RAD51B: variants seen among roughly 807,000 people sequenced by gnomAD.
RAD51B encodes the protein RAD51 paralog B, also known as DNA repair protein RAD51 homolog 2.
Under a neutral mutation model 42.2 loss-of-function variants are expected in RAD51B, and 38 were observed. That is an observed-to-expected ratio of 0.90 (90% CI 0.70 to 1.18). The LOEUF (loss-of-function observed/expected upper bound fraction) is 1.18. Ranked by LOEUF, RAD51B falls within the 50% of genes most tolerant of loss-of-function variation. The pLI is 0.00. For synonymous variants in RAD51B, 154 were observed against 145.2 expected (o/e 1.06, Z -0.43); for missense variants, 373 against 400.7 (o/e 0.93, Z 0.59).
Position 68,156,455 on chromosome 14 carries a change from T to TTCTCTCTCTCTCTCTC in RAD51B, c.757-135403_757-135388dup, listed in dbSNP as rs10650896. 5.4e-3 allele frequency among the ~76,000 whole-genome samples: 615 copies of TTCTCTCTCTCTCTCTC among 114,308 alleles called. 34 individuals are homozygous for TTCTCTCTCTCTCTCTC. The highest frequency in any genetic ancestry group is 0.01 in the African/African-American group (297 of 28,938). 75.0% of individuals were successfully genotyped at this position (114,308 alleles called of 152,430 possible). ...AAGTCAAGAAAGCACCTTAGAAAAT[T>TTCTCTCTCTCTCTCTC]TCTCTCTCTCTCTCTCTCTCTCTCT... On this transcript the variant is annotated intron_variant, in intron 7 of 10. Transcript: ENST00000471583.
chr14:68,346,398 T>C (rs1570106), intron 8 of RAD51B, among the ~76,000 whole-genome samples: 128,147 of 152,238 alleles, frequency 0.84, 54,260 homozygotes, highest in East Asian at 0.99. Context: ...GTGAATAGCT[T>C]CGCTAGTTAC....
intron 7 of RAD51B, among the ~76,000 whole-genome samples, chr14:68,078,093 T>C (rs2076861813): frequency 6.6e-6 from 1 of 152,260 alleles, no homozygotes; most frequent in Admixed American, 6.5e-5. Flanking sequence ...AGATAGTGTA[T>C]GCACTATTAT....
chr14:68,096,162 A>T (rs538771762), intron 7 of RAD51B, among the ~76,000 whole-genome samples: 5 of 152,190 alleles, frequency 3.3e-5, no homozygotes, highest in Admixed American at 3.3e-4. Flanking sequence ...ATAGAGTATG[A>T]TGTCTTCATT....
intron 10 of RAD51B, chr14:68,541,394 A>T (rs991394434): frequency 2.0e-6 from 2 of 985,324 alleles, no homozygotes; most frequent in African/African-American, 3.5e-5. Flanking sequence ...AGCACATCTT[A>T]TATGCACAGT....
chr14:68,000,479 T>C (rs2075461278), intron 7 of RAD51B, among the ~76,000 whole-genome samples: 1 of 152,230 alleles, frequency 6.6e-6, no homozygotes, highest in Non-Finnish European at 1.5e-5. Context: ...TAATATACTT[T>C]CTACATATCT....
At chr14:67,966,981 A>C (rs769924623) in intron 7 of RAD51B, among the ~76,000 whole-genome samples, 3 of 152,216 alleles carry the variant, frequency 2.0e-5, no homozygotes, top group Non-Finnish European at 4.4e-5. Context: ...TGATAAAGAC[A>C]TACCCGAGAC....
chr14:68,025,980 G>A (rs924269346), intron 7 of RAD51B, among the ~76,000 whole-genome samples: 1 of 151,944 alleles, frequency 6.6e-6, no homozygotes, highest in Non-Finnish European at 1.5e-5. Flanking sequence ...TCTTGATGAG[G>A]GAATTTCGTG....
intron 10 of RAD51B, among the ~76,000 whole-genome samples, chr14:68,532,678 G>A (rs1887386023): frequency 6.6e-6 from 1 of 152,136 alleles, no homozygotes; most frequent in Admixed American, 6.6e-5. Flanking sequence ...TAACCCTTAT[G>A]TTACACAAAC....
chr14:68,061,053 CTTTTTTTTTTT>C (rs755916680), intron 7 of RAD51B, among the ~76,000 whole-genome samples: 6 of 101,286 alleles, frequency 5.9e-5, no homozygotes, highest in East Asian at 3.1e-4. Context: ...TATTTGAGGT[CTTTTTTTTTTT>C]TTTTTTTTTT....
rs76749003 is a variant in RAD51B at position 68,426,543 on chromosome 14, G to A, written c.957+15016G>A. ...TTAAGAGCAATGAACTAGGATATCT[G>A]GTAGAAGAAATTTTAAACCATGACA... On this transcript the variant is annotated intron_variant, in intron 9 of 10. Coordinates refer to ENST00000471583, the MANE Select transcript of RAD51B (RefSeq NM_133510.4). Among the ~76,000 whole-genome samples the A allele has an allele frequency of 6.6e-3, 1,008 of 152,272 alleles. 7 individuals are homozygous for A. Among genetic ancestry groups the A allele is most frequent in the African/African-American group, 0.022 (925 of 41,542 alleles).
chr14:68,651,803 T>C (rs1183868198), intron 11 of RAD51B, among the ~76,000 whole-genome samples: 1 of 152,204 alleles, frequency 6.6e-6, no homozygotes, highest in Non-Finnish European at 1.5e-5. Context: ...TACAAATTCC[T>C]AGAATTTGCA....
chr14:67,895,681 T>A (rs938078162), intron 7 of RAD51B, among the ~76,000 whole-genome samples: 2 of 152,184 alleles, frequency 1.3e-5, no homozygotes, highest in African/African-American at 4.8e-5. Context: ...TATGCTCTAA[T>A]TAATATTTAT....
chr14:67,985,815 C>G (rs570975932), intron 7 of RAD51B, among the ~76,000 whole-genome samples: 1 of 151,650 alleles, frequency 6.6e-6, no homozygotes, highest in Non-Finnish European at 1.5e-5. Flanking sequence ...GAGGCTGAGG[C>G]GGCAGGATGG....
intron 10 of RAD51B, chr14:68,540,283 A>G (rs950400368): frequency 1.5e-5 from 15 of 1,033,008 alleles, no homozygotes; most frequent in Non-Finnish European, 1.4e-5. Flanking sequence ...TCAAGAGCCT[A>G]GGACTCTACT....
intron 7 of RAD51B, among the ~76,000 whole-genome samples, chr14:67,912,979 C>T (rs939519908): frequency 6.6e-6 from 1 of 152,192 alleles, no homozygotes; most frequent in African/African-American, 2.4e-5. Flanking sequence ...GCTGGGATTA[C>T]AGGCGTGAGC....
At chr14:68,400,556 G>A (rs569521369) in intron 8 of RAD51B, among the ~76,000 whole-genome samples, 3 of 152,286 alleles carry the variant, frequency 2.0e-5, no homozygotes, top group South Asian at 4.1e-4. Context: ...TCTGGTATCC[G>A]CCTGCTGCCT....
At chr14:68,072,043 A>AT (rs201918321) in intron 7 of RAD51B, among the ~76,000 whole-genome samples, 4,208 of 125,610 alleles carry the variant, frequency 0.034, 192 homozygotes, top group East Asian at 0.05. Flanking sequence ...GATTTTATAT[A>AT]TATATATAAT....
chr14:67,859,315 A>G (rs1188700843), intron 4 of RAD51B, among the ~76,000 whole-genome samples: 3 of 152,240 alleles, frequency 2.0e-5, no homozygotes, highest in African/African-American at 7.2e-5. Flanking sequence ...AAGAAACTAA[A>G]TTGTGTGCAA....
chr14:67,931,942 T>G (rs1419142104), intron 7 of RAD51B, among the ~76,000 whole-genome samples: 7 of 152,122 alleles, frequency 4.6e-5, no homozygotes, highest in Admixed American at 2.0e-4. Flanking sequence ...AATAGTTGCT[T>G]CTTCAAATTT....
Sources: allele counts gnomAD v4.1 joint callset (sites outside exome capture counted in the v4.1 genomes callset), GRCh38; gene constraint gnomAD v4.1.1; transcripts MANE v1.5; gene names NCBI Gene and HGNC (gene_info 2026-07-23, HGNC 2026-07-21).